ADAMTS16: variants seen among roughly 807,000 people sequenced by gnomAD.
ADAMTS16 encodes A disintegrin and metalloproteinase with thrombospondin motifs 16.
In ADAMTS16, 94 loss-of-function variants were observed where a neutral mutation model predicts 145.8. That is an observed-to-expected ratio of 0.64 (90% CI 0.55 to 0.77). ADAMTS16 has a LOEUF of 0.77. ADAMTS16 is among the 30% of genes least tolerant of loss of function. The probability of loss-of-function intolerance (pLI) is 0.00; values close to 1 mark genes in which losing one functional copy is unlikely to be tolerated. For synonymous variants in ADAMTS16, 659 were observed against 604.3 expected, an observed-to-expected ratio of 1.09 and a Z score of -1.33; for missense variants, 1,585 against 1,591.5, an observed-to-expected ratio of 1.00 and a Z score of 0.07.
At position 5,255,339 on chromosome 5, in the gene ADAMTS16, GTTAT is replaced by G. The variant is rs1737745635; in HGVS notation, c.2663-7314_2663-7311del. Among the ~76,000 whole-genome samples, 4 of 152,322 alleles carry G rather than the reference GTTAT, an allele frequency of 2.6e-5. No individual in the cohort carries two copies. In the South Asian group the frequency reaches 8.3e-4, roughly 32 times the overall value. The stretch of plus-strand genomic sequence containing the variant: ...CCTTTCTAGGTATTTCAAGCAAGAA[GTTAT>G]TTAACACAGAGGATTTGTTGTTTAC... On this transcript the variant is annotated intron_variant, in intron 17 of 22. Coordinates refer to ENST00000274181, the MANE Select transcript of ADAMTS16 (RefSeq NM_139056.4).
At chr5:5,272,151 G>A (rs1738505334) in intron 18 of ADAMTS16, among the ~76,000 whole-genome samples, 1 of 152,098 alleles carries the variant, frequency 6.6e-6, no homozygotes, top group Admixed American at 6.6e-5. Flanking sequence ...GGTTGCTTAG[G>A]TGGTGTTTGT....
At chr5:5,286,857 CAAAAAAAAAAAA>C (rs1158555676) in intron 18 of ADAMTS16, among the ~76,000 whole-genome samples, 2 of 22,118 alleles carry the variant, frequency 9.0e-5, no homozygotes, top group East Asian at 1.7e-3. Flanking sequence ...GACTCCGTCT[CAAAAAAAAAAAA>C]AAAAAAAAAA....
At chr5:5,225,949 T>TTAATTCATTAA (rs1579323844) in intron 11 of ADAMTS16, among the ~76,000 whole-genome samples, 11 of 152,154 alleles carry the variant, frequency 7.2e-5, no homozygotes, top group South Asian at 2.1e-4. Context: ...CATGGCGAAA[T>TTAATTCATTAA]TCAACAGAGC....
chr5:5,204,096 G>A (rs997652838), intron 9 of ADAMTS16, among the ~76,000 whole-genome samples: 3 of 152,148 alleles, frequency 2.0e-5, no homozygotes, highest in Non-Finnish European at 2.9e-5. Flanking sequence ...GAGAAGGACC[G>A]AGGGAATCAG....
intron 11 of ADAMTS16, among the ~76,000 whole-genome samples, chr5:5,228,784 C>T (rs537352972): frequency 6.6e-6 from 1 of 152,360 alleles, no homozygotes; most frequent in East Asian, 1.9e-4. Flanking sequence ...TGCTAGCATT[C>T]TTAGATATCT....
chr5:5,311,318 C>CA (rs759757342), intron 21 of ADAMTS16, among the ~76,000 whole-genome samples: 1 of 99,060 alleles, frequency 1.0e-5, no homozygotes, highest in African/African-American at 3.7e-5. Flanking sequence ...AAAAAAAAAA[C>CA]AAAAAAACAA....
intron 18 of ADAMTS16, among the ~76,000 whole-genome samples, chr5:5,270,797 T>C (rs941010475): frequency 6.6e-6 from 1 of 152,224 alleles, no homozygotes; most frequent in Non-Finnish European, 1.5e-5. Context: ...AAACCCATGT[T>C]CCGTTTCTCT....
chr5:5,219,387 T>A (rs1190891090), intron 10 of ADAMTS16, among the ~76,000 whole-genome samples: 1 of 152,002 alleles, frequency 6.6e-6, no homozygotes, highest in Non-Finnish European at 1.5e-5. Context: ...ATTCCTCCCA[T>A]CCCCCTCCAC....
At chr5:5,232,620 T>C (rs1736967364) in intron 12 of ADAMTS16, 104 bp downstream of exon 12, 12 of 861,124 alleles carry the variant, frequency 1.4e-5, no homozygotes, top group Non-Finnish European at 1.9e-5. Flanking sequence ...TTTTTTTTTT[T>C]TGAGATGGAG....
At chr5:5,281,732 G>A (rs542626012) in intron 18 of ADAMTS16, among the ~76,000 whole-genome samples, 41 of 152,112 alleles carry the variant, frequency 2.7e-4, no homozygotes, top group Non-Finnish European at 5.6e-4. Flanking sequence ...AAAATACCAG[G>A]GACATGCTTA....
chr5:5,266,694 T>C (rs1299513043), intron 18 of ADAMTS16, among the ~76,000 whole-genome samples: 1 of 152,104 alleles, frequency 6.6e-6, no homozygotes, highest in Non-Finnish European at 1.5e-5. Context: ...GGAAGGGAGC[T>C]CTCCTCCTCC....
intron 3 of ADAMTS16, among the ~76,000 whole-genome samples, chr5:5,161,595 T>G (rs1407685631): frequency 6.6e-6 from 1 of 152,232 alleles, no homozygotes; most frequent in Non-Finnish European, 1.5e-5. Flanking sequence ...GGTTGGATGC[T>G]GTGGATAATT....
At chr5:5,191,128 G>C (rs533789908) in intron 7 of ADAMTS16, among the ~76,000 whole-genome samples, 1 of 152,314 alleles carries the variant, frequency 6.6e-6, no homozygotes, top group South Asian at 2.1e-4. Flanking sequence ...CCTTAGACGT[G>C]TGTGCCTGTT....
At chr5:5,314,949 A>G (rs1733973941) in intron 21 of ADAMTS16, among the ~76,000 whole-genome samples, 1 of 152,196 alleles carries the variant, frequency 6.6e-6, no homozygotes, top group Non-Finnish European at 1.5e-5. Flanking sequence ...AAGTGCCTAG[A>G]ACAGTGCCTG....
At chr5:5,309,827 C>CATGT (rs145309188) in intron 21 of ADAMTS16, among the ~76,000 whole-genome samples, 1 of 146,878 alleles carries the variant, frequency 6.8e-6, no homozygotes, top group Non-Finnish European at 1.5e-5. Context: ...GTCATGTCCT[C>CATGT]GTGTGTGTGT....
At chr5:5,184,395 C>T (rs1390768391) in intron 4 of ADAMTS16, among the ~76,000 whole-genome samples, 1 of 152,160 alleles carries the variant, frequency 6.6e-6, no homozygotes, top group Non-Finnish European at 1.5e-5. Context: ...CGGACACATC[C>T]TCAGTGCCCT....
intron 10 of ADAMTS16, among the ~76,000 whole-genome samples, chr5:5,215,870 G>GTGTATGTATATA (rs1260354840): frequency 9.8e-6 from 1 of 101,640 alleles, no homozygotes. Context: ...GTGTGTATGT[G>GTGTATGTATATA]TATATATATA....
At chr5:5,318,382 G>T in intron 22 of ADAMTS16, 101 bp downstream of exon 22, 4 of 1,170,786 alleles carry the variant, frequency 3.4e-6, no homozygotes, top group South Asian at 3.1e-5. Flanking sequence ...TCTTGCGTCT[G>T]ATCTACCTTT....
At chr5:5,224,256 T>A (rs113857892) in intron 11 of ADAMTS16, among the ~76,000 whole-genome samples, 158 of 152,204 alleles carry the variant, frequency 1.0e-3, no homozygotes, top group African/African-American at 3.4e-3. Context: ...GTTGATTTAA[T>A]CCATAATATG....
Sources: allele counts gnomAD v4.1 joint callset (sites outside exome capture counted in the v4.1 genomes callset), GRCh38; gene constraint gnomAD v4.1.1; transcripts MANE v1.5; gene names NCBI Gene and HGNC (gene_info 2026-07-23, HGNC 2026-07-21).